Variants in HDC observed in about 807,000 individuals in gnomAD.
The protein encoded by HDC is histidine decarboxylase.
HDC carries 27 observed loss-of-function variants against 64.4 expected under a neutral mutation model. The ratio of observed to expected loss-of-function variants is 0.42; its 90% confidence interval spans 0.31 to 0.58. The LOEUF (loss-of-function observed/expected upper bound fraction) is 0.58, where lower values mean the gene tolerates loss of function less well. HDC is among the 20% of genes least tolerant of loss of function. The pLI is 0.16. For missense variants in HDC, 711 were observed against 833.9 expected (o/e 0.85, Z 1.81); for synonymous variants, 305 against 314.2 (o/e 0.97, Z 0.31).
At chr15:50,263,145 A>G in intron 2 of HDC, 90 bp downstream of exon 2, 1 of 1,367,658 alleles carries the variant, frequency 7.3e-7, no homozygotes, top group South Asian at 1.2e-5. Context: ...TCTCATCCCA[A>G]GCTGACCCAA....
chr15:50,252,364 G>A (rs1209115315), intron 9 of HDC, 66 bp downstream of exon 9: 2 of 1,249,940 alleles, frequency 1.6e-6, no homozygotes, highest in Non-Finnish European at 2.4e-6. Flanking sequence ...GATTTTGGGG[G>A]GTCAGACGCC....
In HDC at chr15:50,242,633, C is replaced by A; in HGVS notation, c.1616G>T (p.Gly539Val). Reference protein sequence around the residue: ...VGAGPMKRENGLHLETLLDPV... With the variant: ...VGAGPMKRENVLHLETLLDPV... ...GTCCAGCAGGGTTTCAAGATGGAGG[C>A]CATTTTCCCTTTTCATGGGACCGGC... Residue 539 changes from glycine (G) to valine (V), a missense_variant, in exon 12 of 12, where the codon GGC (glycine) becomes GTC (valine). Physicochemically the swap from Gly to Val is moderately radical, Grantham distance 109. Transcript: ENST00000267845. 1 of 1,614,124 alleles carries A rather than the reference C, an allele frequency of 6.2e-7. No homozygotes were observed.
At chr15:50,257,972 T>C (rs1240852950) in intron 3 of HDC, among the ~76,000 whole-genome samples, 2 of 129,484 alleles carry the variant, frequency 1.5e-5, no homozygotes, top group Admixed American at 9.9e-5. Context: ...TTTGGCACCA[T>C]TTAAAGCTGA....
chr15:50,242,456 A>T lies in HDC; in HGVS notation c.1793T>A (p.Leu598Gln). ...ATTCTTCACAGAGGCCTCTGTGGGC[A>T]GTGGCTTCTGAGCACTCACTGGCAC... is the stretch of plus-strand genomic sequence containing the variant. The part of the protein sequence containing the change: ...NSVPVSAQKP[L>Q]PTEASVKNGG... The change falls in exon 12 of 12, where the codon CTG (leucine) becomes CAG (glutamine). Residue 598 changes from leucine (L) to glutamine (Q), a missense_variant. Transcript: ENST00000267845. 6.2e-7 allele frequency: 1 copy of T among 1,614,164 alleles called. No individual in the cohort carries two copies. The highest frequency in any genetic ancestry group is 1.1e-5 in the South Asian group (1 of 91,082).
Position 50,242,309 on chromosome 15 carries a change from G to A in HDC, c.1940C>T (p.Ser647Phe). The A allele has an allele frequency of 6.2e-7, 1 of 1,614,156 alleles. No individual in the cohort carries two copies. The highest frequency in any genetic ancestry group is 1.1e-5 in the South Asian group (1 of 91,080). Residue 647 changes from serine (S) to phenylalanine (F), a missense_variant, in exon 12 of 12, where the codon TCT becomes TTT. Coordinates refer to ENST00000267845, the MANE Select transcript of HDC (RefSeq NM_002112.4). ...YSVPSFPECS[S>F]QCGLQLPCCP... is the part of the protein sequence containing the mutation. ...ACAGGGCAGCTGGAGTCCACATTGA[G>A]AGCTGCATTCAGGAAAGCTGGGGAC...
intron 10 of HDC, among the ~76,000 whole-genome samples, chr15:50,244,231 G>C (rs1463232137): frequency 6.9e-6 from 1 of 145,952 alleles, no homozygotes; most frequent in Non-Finnish European, 1.5e-5. Flanking sequence ...CTATCAGTTA[G>C]TTCTCATACT....
chr15:50,244,283 C>G (rs1006451738), intron 10 of HDC, among the ~76,000 whole-genome samples: 1 of 139,542 alleles, frequency 7.2e-6, no homozygotes, highest in Admixed American at 7.1e-5. Context: ...TTAGCTGAAC[C>G]TCTTTTTTTT....
At chr15:50,246,813 T>A (rs1277364054) in intron 10 of HDC, among the ~76,000 whole-genome samples, 1 of 152,216 alleles carries the variant, frequency 6.6e-6, no homozygotes, top group Non-Finnish European at 1.5e-5. Context: ...CCCACAACCC[T>A]CCAGTCTTGA....
At chr15:50,256,687 C>T (rs1025491451) in intron 4 of HDC, among the ~76,000 whole-genome samples, 1 of 152,138 alleles carries the variant, frequency 6.6e-6, no homozygotes, top group Non-Finnish European at 1.5e-5. Flanking sequence ...TGTCCAGCCA[C>T]GATTTTTATT....
chr15:50,243,266 G>C (rs374410653), intron 10 of HDC, 22 bp from the exon 11 acceptor site: 146 of 1,424,640 alleles, frequency 1.0e-4, no homozygotes, highest in Non-Finnish European at 1.4e-4. Context: ...AGTATAAAGA[G>C]AACTGAGATT....
chr15:50,257,582 C>T, intron 3 of HDC, 35 bp from the exon 4 acceptor site: 3 of 1,613,022 alleles, frequency 1.9e-6, no homozygotes, highest in Non-Finnish European at 2.5e-6. Flanking sequence ...ACTGCACAGC[C>T]CCAGGGCACT....
intron 10 of HDC, among the ~76,000 whole-genome samples, chr15:50,247,121 G>A (rs145580996): frequency 1.0e-3 from 152 of 152,326 alleles, no homozygotes; most frequent in African/African-American, 3.4e-3. Flanking sequence ...GGGGGATAAA[G>A]AGGTGATAGT....
Position 50,258,529 on chromosome 15 carries a change from G to A in HDC, c.205-12C>T. 6.5e-7 allele frequency: 1 copy of A among 1,536,006 alleles called. No homozygotes were observed. ...TGCCAATGTACCACCTGGAGGCAGA[G>A]CATGCACAGAGTTGGCACCAGGAGG... On this transcript the variant is annotated splice_polypyrimidine_tract_variant and intron_variant, in intron 2 of 11. Transcript: ENST00000267845.
Position 50,254,112 on chromosome 15 carries a change from G to A in HDC, c.720+18C>T, listed in dbSNP as rs1199107259. ...CCAAGTTCTATCATTCTAAGCTTAG[G>A]CATATATCCTGACTTACAAAGACGG... is the stretch of plus-strand genomic sequence containing the variant. On this transcript the variant is annotated intron_variant, in intron 6 of 11. Coordinates refer to ENST00000267845, the MANE Select transcript of HDC (RefSeq NM_002112.4). 6.2e-7 allele frequency: 1 copy of A among 1,613,642 alleles called. No homozygotes were observed. The highest frequency in any genetic ancestry group is 8.5e-7 in the Non-Finnish European group (1 of 1,179,712).
In HDC at chr15:50,254,267, A is replaced by G; in HGVS notation, c.583T>C (p.Ser195Pro). 1 of 1,614,140 alleles carries G rather than the reference A, an allele frequency of 6.2e-7. No individual in the cohort carries two copies. Among genetic ancestry groups the G allele is most frequent in the Non-Finnish European group, 8.5e-7 (1 of 1,180,026 alleles). Residue 195 changes from serine to proline, a missense_variant, in exon 6 of 12, where the codon TCC becomes CCC. By Grantham distance (74) the Ser-to-Pro change is moderately conservative (BLOSUM62 -1). Coordinates refer to ENST00000267845, the MANE Select transcript of HDC (RefSeq NM_002112.4). ...ATCAAACCAGCCTTTTCCACAGAGG[A>G]GTGAGCCTAGAAGGGCCACAGAAAC... ...LVAYASDQAH[S>P]SVEKAGLISL... is the part of the protein sequence containing the mutation.
At chr15:50,250,463 A>G (rs1839226491) in intron 9 of HDC, among the ~76,000 whole-genome samples, 1 of 152,202 alleles carries the variant, frequency 6.6e-6, no homozygotes, top group South Asian at 2.1e-4. Context: ...GGCTGGGAAG[A>G]GTTTACTCTA....
At chr15:50,254,502 A>G in intron 5 of HDC, 28 bp downstream of exon 5, 1 of 1,614,066 alleles carries the variant, frequency 6.2e-7, no homozygotes, top group Non-Finnish European at 8.5e-7. Context: ...CACCAACCCG[A>G]AGGGCTGTCC....
In HDC at chr15:50,261,176, T is replaced by G. The variant is rs139039094; in HGVS notation, c.204+2059A>C. 5.3e-5 allele frequency among the ~76,000 whole-genome samples: 8 copies of G among 152,126 alleles called. No individual in the cohort carries two copies. In the East Asian group the frequency reaches 1.6e-3, roughly 29 times the overall value. Reference sequence around the variant, plus strand: ...TTCTTGTAAGATAAATAAGATAAAATAGCCAGAAGAGCCCTTATCAAAAAC... The same window carrying G: ...TTCTTGTAAGATAAATAAGATAAAAGAGCCAGAAGAGCCCTTATCAAAAAC... On this transcript the variant is annotated intron_variant, in intron 2 of 11. Transcript: ENST00000267845.
At position 50,248,317 on chromosome 15, in the gene HDC, C is replaced by T. The variant is rs866248622; in HGVS notation, c.1068G>A (p.Arg356=). 1 of 1,614,110 alleles carries T rather than the reference C, an allele frequency of 6.2e-7. No homozygotes were observed. Among genetic ancestry groups the T allele is most frequent in the Non-Finnish European group, 8.5e-7 (1 of 1,179,952 alleles). Residue 356 remains arginine, a synonymous_variant, in exon 10 of 12, where the codon CGG becomes CGA. Transcript: ENST00000267845. The surrounding 1 kb of genome is among the most constrained non-coding windows in gnomAD (Gnocchi z 4.3). The part of the protein sequence containing the change: ...FMHWQIPLSR[R]FRSVKLWFVI... ...CGAACCAGAGTTTAACAGAGCGAAA[C>T]CGTCGGCTCAGGGGGATCTGCCAGT...
Sources: gnomAD v4.1 joint callset for allele counts (sites outside exome capture counted in the v4.1 genomes callset) on GRCh38, gnomAD v4.1.1 for gene constraint, Gnocchi (gnomAD v3.1) non-coding constraint, MANE v1.5 for transcripts, NCBI Gene and HGNC (gene_info 2026-07-23, HGNC 2026-07-21) for gene names.